CSNK2A2: variants seen among roughly 807,000 people sequenced by gnomAD.
CSNK2A2 encodes the protein casein kinase II subunit alpha'.
In CSNK2A2, 8 loss-of-function variants were observed where a neutral mutation model predicts 54.0. The observed-to-expected ratio is 0.15, with a 90% CI of 0.09 to 0.27. The LOEUF is 0.27. CSNK2A2 is among the 10% of genes least tolerant of loss of function. The probability of loss-of-function intolerance (pLI) is 1.00; values close to 1 mark genes in which losing one functional copy is unlikely to be tolerated. For synonymous variants in CSNK2A2, 141 were observed against 153.9 expected (o/e 0.92, Z 0.62); for missense variants, 242 against 439.4 (o/e 0.55, Z 4.02).
intron 4 of CSNK2A2, among the ~76,000 whole-genome samples, chr16:58,177,022 C>T (rs1005841738): frequency 1.2e-4 from 19 of 152,184 alleles, no homozygotes; most frequent in African/African-American, 4.6e-4. Flanking sequence ...GAACTCTCCC[C>T]ACCACCCAAG....
At chr16:58,181,437 C>T (rs1962038843) in intron 4 of CSNK2A2, among the ~76,000 whole-genome samples, 1 of 152,156 alleles carries the variant, frequency 6.6e-6, no homozygotes. Context: ...AAGATACCAG[C>T]AGCCAAGCCT....
At chr16:58,190,309 A>G (rs753940580) in intron 2 of CSNK2A2, among the ~76,000 whole-genome samples, 6 of 152,190 alleles carry the variant, frequency 3.9e-5, no homozygotes, top group Non-Finnish European at 7.3e-5. Flanking sequence ...AGGCAGGAAC[A>G]TATCTACAGC....
intron 4 of CSNK2A2, among the ~76,000 whole-genome samples, chr16:58,175,841 C>T (rs1035549): frequency 0.3 from 46,030 of 152,022 alleles, 7,282 homozygotes; most frequent in African/African-American, 0.39. Flanking sequence ...GCGCAGGGAA[C>T]GAAATGCACA....
intron 2 of CSNK2A2, among the ~76,000 whole-genome samples, chr16:58,189,733 G>A (rs1962281492): frequency 6.6e-6 from 1 of 152,190 alleles, no homozygotes; most frequent in Non-Finnish European, 1.5e-5. Context: ...GGCAGCTAGA[G>A]TCCTCACATG....
rs748144403 is a variant in CSNK2A2 at position 58,197,018 on chromosome 16, C to A, written c.105-174G>T. 3.5e-5 allele frequency: 21 copies of A among 604,380 alleles called. No homozygotes were observed. The highest frequency in any genetic ancestry group is 5.2e-5 in the Non-Finnish European group (17 of 330,080). The allele number at this position is 604,380 out of a possible 1,614,324, so 37.4% of individuals were successfully genotyped here. ...CGACATAATCTTGGCTCCCTTCACT[C>A]TGCAGAGCTCCTAACCTAATTGGTC... On this transcript the variant is annotated intron_variant, in intron 1 of 11. Coordinates refer to ENST00000262506, the MANE Select transcript of CSNK2A2 (RefSeq NM_001896.4). The surrounding 1 kb of genome is among the most constrained non-coding windows in gnomAD (Gnocchi z 4.0).
chr16:58,197,578 T>C lies in CSNK2A2; in HGVS notation c.104+55A>G. 1.6e-6 allele frequency: 2 copies of C among 1,268,160 alleles called. No homozygotes were observed. Among genetic ancestry groups the C allele is most frequent in the Non-Finnish European group, 1.1e-6 (1 of 926,914 alleles). 78.6% of individuals were successfully genotyped at this position (1,268,160 alleles called of 1,614,324 possible). The stretch of plus-strand genomic sequence containing the variant: ...GGGCCCGAGTGCGGTTCGCAGGGGG[T>C]GGCCGGGCGGGGGCAGGGATCAGCG... On this transcript the variant is annotated intron_variant, in intron 1 of 11. Coordinates refer to ENST00000262506, the MANE Select transcript of CSNK2A2 (RefSeq NM_001896.4). This position sits in a 1 kb window ranked among gnomAD's most constrained non-coding sequence, Gnocchi z 4.0.
At chr16:58,185,287 T>C (rs898360894) in intron 3 of CSNK2A2, among the ~76,000 whole-genome samples, 4 of 152,182 alleles carry the variant, frequency 2.6e-5, no homozygotes, top group Non-Finnish European at 5.9e-5. Context: ...GCAGCCATGA[T>C]TAAAAATTCT....
In CSNK2A2 at chr16:58,164,163, A is replaced by G. The variant is rs768422090; in HGVS notation, c.977-16T>C. The G allele has an allele frequency of 1.2e-6, 2 of 1,613,216 alleles. No homozygotes were observed. Among genetic ancestry groups the G allele is most frequent in the Admixed American group, 3.3e-5 (2 of 59,966 alleles). ...ACCACAGGGTCTGCAAGAAAGCAGGAGGAAAGTCAGGCAATCAGGGTGGTG... is the reference window on the plus strand; with the variant it reads ...ACCACAGGGTCTGCAAGAAAGCAGGGGGAAAGTCAGGCAATCAGGGTGGTG... On this transcript the variant is annotated splice_polypyrimidine_tract_variant and intron_variant, in intron 10 of 11. Coordinates refer to ENST00000262506, the MANE Select transcript of CSNK2A2 (RefSeq NM_001896.4).
At chr16:58,168,825 A>G in intron 5 of CSNK2A2, 132 bp from the exon 6 acceptor site, 1 of 650,042 alleles carries the variant, frequency 1.5e-6, no homozygotes, top group Non-Finnish European at 2.7e-6. Context: ...CCTGTAATGA[A>G]AGAGAAAAAA....
chr16:58,168,976 G>C (rs565263970), intron 5 of CSNK2A2, among the ~76,000 whole-genome samples: 1 of 151,920 alleles, frequency 6.6e-6, no homozygotes, highest in Admixed American at 6.5e-5. Context: ...GCCCAGGCTG[G>C]AGTGCAGTGG....
At chr16:58,166,456 T>C (rs1961565712) in intron 9 of CSNK2A2, 128 bp downstream of exon 9, 2 of 570,344 alleles carry the variant, frequency 3.5e-6, no homozygotes, top group Non-Finnish European at 3.1e-6. Flanking sequence ...AAAGAAAATA[T>C]GCATAGGAAA....
At chr16:58,187,328 G>C (rs1962216068) in intron 2 of CSNK2A2, among the ~76,000 whole-genome samples, 1 of 152,076 alleles carries the variant, frequency 6.6e-6, no homozygotes, top group Admixed American at 6.6e-5. Flanking sequence ...TTACAAACTT[G>C]CTTCCCAGCT....
Position 58,197,583 on chromosome 16 carries a change from G to T in CSNK2A2, c.104+50C>A. On this transcript the variant is annotated intron_variant, in intron 1 of 11. Coordinates refer to ENST00000262506, the MANE Select transcript of CSNK2A2 (RefSeq NM_001896.4). This position sits in a 1 kb window ranked among gnomAD's most constrained non-coding sequence, Gnocchi z 4.0. The stretch of plus-strand genomic sequence containing the variant: ...CGAGTGCGGTTCGCAGGGGGTGGCC[G>T]GGCGGGGGCAGGGATCAGCGGGCCC... 1 of 1,340,966 alleles carries T rather than the reference G, an allele frequency of 7.5e-7. No homozygotes were observed. Among genetic ancestry groups the T allele is most frequent in the Non-Finnish European group, 1.0e-6 (1 of 982,298 alleles). The allele number at this position is 1,340,966 out of a possible 1,614,324, so 83.1% of individuals were successfully genotyped here.
chr16:58,169,676 A>G (rs954606447), intron 5 of CSNK2A2, among the ~76,000 whole-genome samples: 2 of 152,154 alleles, frequency 1.3e-5, no homozygotes. Flanking sequence ...TTTTGTACAT[A>G]AGGGTCCCAC....
intron 11 of CSNK2A2, among the ~76,000 whole-genome samples, chr16:58,158,754 C>T (rs1450865505): frequency 1.3e-5 from 2 of 152,186 alleles, no homozygotes; most frequent in African/African-American, 4.8e-5. Flanking sequence ...ACCTGATTAT[C>T]TGAGGTGTCT....
intron 2 of CSNK2A2, among the ~76,000 whole-genome samples, chr16:58,190,368 A>G (rs1217848835): frequency 2.6e-5 from 4 of 152,064 alleles, no homozygotes; most frequent in Non-Finnish European, 5.9e-5. Context: ...CCAAACTAAC[A>G]AGTGCTCCAC....
At chr16:58,186,674 A>T in intron 3 of CSNK2A2, 81 bp downstream of exon 3, 1 of 928,752 alleles carries the variant, frequency 1.1e-6, no homozygotes, top group Non-Finnish European at 1.7e-6. Context: ...CTGTATCATT[A>T]CGTGAGGTTC....
In CSNK2A2 at chr16:58,164,734, AAGG is replaced by A. The variant is rs1961512949; in HGVS notation, c.977-590_977-588del. Among the ~76,000 whole-genome samples the A allele has an allele frequency of 2.0e-5, 3 of 152,310 alleles. No homozygotes were observed. The East Asian group carries it at 5.8e-4, about 29-fold the overall frequency. On this transcript the variant is annotated intron_variant, in intron 10 of 11. Transcript: ENST00000262506. ...TGAGTTTCCTGGGGCTGAGGTCTAG[AAGG>A]CTGAAGGCTTTTCCATTTGCGGTCT...
At chr16:58,176,539 A>C (rs1961884353) in intron 4 of CSNK2A2, among the ~76,000 whole-genome samples, 2 of 152,204 alleles carry the variant, frequency 1.3e-5, no homozygotes, top group South Asian at 4.1e-4. Context: ...GCCTGGGCCC[A>C]AAATTCAAGA....
Sources: gnomAD v4.1 joint callset for allele counts (sites outside exome capture counted in the v4.1 genomes callset) on GRCh38, gnomAD v4.1.1 for gene constraint, Gnocchi (gnomAD v3.1) non-coding constraint, MANE v1.5 for transcripts, NCBI Gene and HGNC (gene_info 2026-07-23, HGNC 2026-07-21) for gene names.